Variants in FAR2 observed in about 807,000 individuals in gnomAD.
The protein encoded by FAR2 is fatty acyl-CoA reductase 2, also known as epididymis secretory protein Li 81.
In FAR2, 19 loss-of-function variants were observed where a neutral mutation model predicts 56.0. The observed-to-expected ratio is 0.34, with a 90% confidence interval of 0.24 to 0.50. The LOEUF is 0.50. Ranked by LOEUF, FAR2 falls within the 20% of genes least tolerant of loss-of-function variation. The pLI is 0.98. For missense variants in FAR2, 508 were observed against 642.2 expected, an observed-to-expected ratio of 0.79 and a Z score of 2.26; for synonymous variants, 219 against 218.8, an observed-to-expected ratio of 1.00 and a Z score of -0.01.
intron 1 of FAR2, among the ~76,000 whole-genome samples, chr12:29,228,377 G>A (rs568379916): frequency 6.6e-6 from 1 of 151,976 alleles, no homozygotes; most frequent in Non-Finnish European, 1.5e-5. Flanking sequence ...TAGAATTAAA[G>A]TCACTTTAAA....
At chr12:29,238,201 T>C (rs537769682) in intron 1 of FAR2, among the ~76,000 whole-genome samples, 4 of 143,748 alleles carry the variant, frequency 2.8e-5, no homozygotes, top group Admixed American at 7.6e-5. Context: ...CCACTACATA[T>C]ATGCGTAAGG....
chr12:29,267,134 A>G (rs879746461), intron 1 of FAR2, among the ~76,000 whole-genome samples: 1 of 152,194 alleles, frequency 6.6e-6, no homozygotes, highest in Non-Finnish European at 1.5e-5. Context: ...ATTTGGTGAA[A>G]ATACTTGGCT....
At chr12:29,215,214 T>TACATTTCATTTGATTAACAAA (rs1372916843) in intron 1 of FAR2, among the ~76,000 whole-genome samples, 3 of 152,192 alleles carry the variant, frequency 2.0e-5, no homozygotes, top group African/African-American at 7.2e-5. Flanking sequence ...TTAACAAAAA[T>TACATTTCATTTGATTAACAAA]AGATACATAC....
chr12:29,320,588 TA>T (rs1212624218), intron 9 of FAR2, among the ~76,000 whole-genome samples: 2 of 152,178 alleles, frequency 1.3e-5, no homozygotes, highest in Admixed American at 6.5e-5. Flanking sequence ...TAGTAATCAC[TA>T]CTGCCAAGAC....
intron 4 of FAR2, among the ~76,000 whole-genome samples, chr12:29,304,602 A>G (rs1949226424): frequency 6.6e-6 from 1 of 152,228 alleles, no homozygotes; most frequent in African/African-American, 2.4e-5. Context: ...GGGGAAATAC[A>G]TATGCCTCTT....
rs547645542 is a variant in FAR2, at chr12:29,196,061, T to C, written c.-39+46654T>C. Among the ~76,000 whole-genome samples the C allele has an allele frequency of 1.3e-4, 20 of 152,310 alleles. 1 individual carries two copies. Among genetic ancestry groups the C allele is most frequent in the Middle Eastern group, 3.4e-3 (1 of 294 alleles). On this transcript the variant is annotated intron_variant, in intron 1 of 11. Coordinates refer to ENST00000536681, the MANE Select transcript of FAR2 (RefSeq NM_001271783.2). ...TTTTTTATGGCCAAATAGTATTCCATTGTGTACATGACATATTTTCTTTAT... is the reference window on the plus strand; with the variant it reads ...TTTTTTATGGCCAAATAGTATTCCACTGTGTACATGACATATTTTCTTTAT...
intron 2 of FAR2, among the ~76,000 whole-genome samples, chr12:29,275,583 T>C (rs1948696204): frequency 6.6e-6 from 1 of 152,142 alleles, no homozygotes; most frequent in African/African-American, 2.4e-5. Flanking sequence ...CCACCAACAG[T>C]GTAAAAGTGT....
At chr12:29,201,082 C>G (rs1270984711) in intron 1 of FAR2, among the ~76,000 whole-genome samples, 1 of 152,150 alleles carries the variant, frequency 6.6e-6, no homozygotes, top group Non-Finnish European at 1.5e-5. Flanking sequence ...CCCTTCCACC[C>G]TGTCTAGCAT....
chr12:29,258,771 C>T (rs1048986252), intron 1 of FAR2, among the ~76,000 whole-genome samples: 3 of 152,174 alleles, frequency 2.0e-5, no homozygotes, highest in Non-Finnish European at 2.9e-5. Context: ...CTGGCTCAAT[C>T]GTCATTCTTT....
intron 1 of FAR2, among the ~76,000 whole-genome samples, chr12:29,244,242 T>G (rs1201233556): frequency 1.3e-5 from 2 of 152,176 alleles, no homozygotes; most frequent in Admixed American, 1.3e-4. Flanking sequence ...AATGCTGAAT[T>G]CAGGAAAGAA....
At chr12:29,318,189 C>G (rs1435374944) in intron 9 of FAR2, among the ~76,000 whole-genome samples, 1 of 152,166 alleles carries the variant, frequency 6.6e-6, no homozygotes, top group East Asian at 1.9e-4. Context: ...ATTAGCAGTG[C>G]AAATGACTAA....
chr12:29,325,834 A>G (rs914882843), intron 10 of FAR2, among the ~76,000 whole-genome samples: 1 of 152,204 alleles, frequency 6.6e-6, no homozygotes, highest in African/African-American at 2.4e-5. Flanking sequence ...CATCACAATT[A>G]AAAGAACTAG....
chr12:29,203,953 T>A (rs1947446855), intron 1 of FAR2, among the ~76,000 whole-genome samples: 1 of 131,914 alleles, frequency 7.6e-6, no homozygotes, highest in Non-Finnish European at 1.6e-5. Flanking sequence ...TGAGCCGAGA[T>A]TGCGCCACCA....
At chr12:29,151,091 A>G (rs1949678315) in intron 1 of FAR2, among the ~76,000 whole-genome samples, 1 of 152,238 alleles carries the variant, frequency 6.6e-6, no homozygotes, top group Non-Finnish European at 1.5e-5. Flanking sequence ...CTCCTGAGGA[A>G]GAAGCATTCT....
chr12:29,224,244 T>G (rs552117410), intron 1 of FAR2, among the ~76,000 whole-genome samples: 22 of 152,310 alleles, frequency 1.4e-4, no homozygotes, highest in Non-Finnish European at 1.8e-4. Flanking sequence ...CTGAACTTTT[T>G]GGGGTTGAGG....
At position 29,328,779 on chromosome 12, in the gene FAR2, T is replaced by A. The variant is rs530920919; in HGVS notation, c.1258-3821T>A. On this transcript the variant is annotated intron_variant, in intron 10 of 11. Coordinates refer to ENST00000536681, the MANE Select transcript of FAR2 (RefSeq NM_001271783.2). Reference sequence around the variant, plus strand: ...AGGGGGGAGGGATAGCATTAGGAGATATACGTAATGCTAAATGACGAGTTA... The same window carrying A: ...AGGGGGGAGGGATAGCATTAGGAGAAATACGTAATGCTAAATGACGAGTTA... 3.3e-5 allele frequency among the ~76,000 whole-genome samples: 5 copies of A among 150,188 alleles called. No individual in the cohort carries two copies. The South Asian group carries it at 1.1e-3, about 32-fold the overall frequency.
chr12:29,279,167 T>C (rs1948747537), intron 2 of FAR2, among the ~76,000 whole-genome samples: 1 of 152,246 alleles, frequency 6.6e-6, no homozygotes, highest in Admixed American at 6.5e-5. Context: ...TGGCTCATTT[T>C]TCATGGTCAT....
intron 1 of FAR2, among the ~76,000 whole-genome samples, chr12:29,168,584 C>T (rs781055116): frequency 7.9e-5 from 12 of 152,176 alleles, no homozygotes; most frequent in African/African-American, 1.2e-4. Context: ...AATGAAGCCG[C>T]GGACCTTCGC....
chr12:29,330,061 T>TTTG (rs1054604912), intron 10 of FAR2, among the ~76,000 whole-genome samples: 2 of 149,808 alleles, frequency 1.3e-5, no homozygotes, highest in African/African-American at 4.9e-5. Flanking sequence ...TATGACTTTT[T>TTTG]TTTTTTTTTT....
Sources: gnomAD v4.1 joint callset for allele counts (sites outside exome capture counted in the v4.1 genomes callset) on GRCh38, gnomAD v4.1.1 for gene constraint, MANE v1.5 for transcripts, NCBI Gene and HGNC (gene_info 2026-07-23, HGNC 2026-07-21) for gene names.